The following GPHN variants were observed in gnomAD, a reference collection of about 807,000 sequenced individuals.
GPHN encodes gephyrin.
Under a neutral mutation model 95.5 loss-of-function variants are expected in GPHN, and 17 were observed. That is an observed-to-expected ratio of 0.18 (90% CI 0.12 to 0.27). The LOEUF is 0.27. Ranked by LOEUF, GPHN falls within the 10% of genes least tolerant of loss-of-function variation. GPHN has a pLI of 1.00. For missense variants in GPHN, 660 were observed against 978.1 expected, an observed-to-expected ratio of 0.67 and a Z score of 4.34; for synonymous variants, 320 against 322.5, an observed-to-expected ratio of 0.99 and a Z score of 0.08.
chr14:67,688,273 C>A, the GPHN span, among the ~76,000 whole-genome samples: 1 of 152,080 alleles, frequency 6.6e-6, no homozygotes, highest in African/African-American at 2.4e-5. Flanking sequence ...AATTAAACAG[C>A]CACAACAAAA....
chr14:66,653,502 TTGACAC>T (rs1347051452), intron 1 of GPHN, among the ~76,000 whole-genome samples: 1 of 152,162 alleles, frequency 6.6e-6, no homozygotes, highest in Non-Finnish European at 1.5e-5. Context: ...AATCAGGAGT[TTGACAC>T]TGACCCAGTG....
intron 5 of GPHN, among the ~76,000 whole-genome samples, chr14:66,881,720 T>G (rs1276190857): frequency 6.6e-6 from 1 of 151,850 alleles, no homozygotes; most frequent in Non-Finnish European, 1.5e-5. Context: ...TGAATTAATT[T>G]TTTTCTCCCT....
the GPHN span, among the ~76,000 whole-genome samples, chr14:67,431,573 T>G: frequency 6.6e-6 from 1 of 151,918 alleles, no homozygotes; most frequent in Non-Finnish European, 1.5e-5. Context: ...ACATCTGTGG[T>G]CCCAGCTACT....
At chr14:67,222,042 G>T in the GPHN span, 1 of 483,880 alleles carries the variant, frequency 2.1e-6, no homozygotes, top group Non-Finnish European at 3.5e-6. Context: ...TACTACTTCA[G>T]TTTTCTTTTT....
At chr14:67,524,790 A>G in the GPHN span, among the ~76,000 whole-genome samples, 2 of 152,198 alleles carry the variant, frequency 1.3e-5, no homozygotes, top group African/African-American at 2.4e-5. Flanking sequence ...TGAAGAGATA[A>G]TAGGGATCCA....
chr14:66,758,984 A>G (rs954738647), intron 2 of GPHN, among the ~76,000 whole-genome samples: 1 of 152,184 alleles, frequency 6.6e-6, no homozygotes, highest in Admixed American at 6.5e-5. Context: ...TCTAGTCCTC[A>G]TTTTTGTCAA....
chr14:67,339,475 A>AC, the GPHN span, among the ~76,000 whole-genome samples: 3 of 151,952 alleles, frequency 2.0e-5, no homozygotes, highest in East Asian at 1.9e-4. Flanking sequence ...CAGGTCTAAG[A>AC]CCCCCCATGC....
At chr14:66,585,632 C>T (rs9944068) in intron 1 of GPHN, among the ~76,000 whole-genome samples, 10,778 of 151,858 alleles carry the variant, frequency 0.071, 930 homozygotes, top group African/African-American at 0.2. Context: ...ATTTCTGCCT[C>T]CATTTCGTTA....
At chr14:66,598,396 A>C (rs1334918326) in intron 1 of GPHN, among the ~76,000 whole-genome samples, 2 of 152,112 alleles carry the variant, frequency 1.3e-5, no homozygotes, top group Non-Finnish European at 2.9e-5. Flanking sequence ...ATCAGTTAAA[A>C]AAAAGTACTG....
intron 7 of GPHN, among the ~76,000 whole-genome samples, chr14:66,923,260 T>C (rs1017829294): frequency 5.9e-5 from 9 of 152,176 alleles, no homozygotes; most frequent in Admixed American, 5.2e-4. Context: ...ATATAATGTT[T>C]ATATATTCAA....
At chr14:67,575,511 T>TC in the GPHN span, 2 of 1,301,004 alleles carry the variant, frequency 1.5e-6, no homozygotes, top group African/African-American at 1.5e-5. Flanking sequence ...CTCTCCTGCT[T>TC]CCCCCGAAGC....
At chr14:66,691,808 A>C (rs1243597211) in intron 2 of GPHN, among the ~76,000 whole-genome samples, 1 of 152,216 alleles carries the variant, frequency 6.6e-6, no homozygotes, top group African/African-American at 2.4e-5. Flanking sequence ...AGATTTTCAG[A>C]ACTTTCTCTG....
the GPHN span, among the ~76,000 whole-genome samples, chr14:67,211,244 T>C: frequency 6.6e-6 from 1 of 152,106 alleles, no homozygotes; most frequent in Non-Finnish European, 1.5e-5. Context: ...TAGGTATAGA[T>C]ATAGATAAAA....
intron 2 of GPHN, among the ~76,000 whole-genome samples, chr14:66,723,286 CTTTATAAA>C (rs1566870292): frequency 6.6e-6 from 1 of 150,804 alleles, no homozygotes; most frequent in Admixed American, 6.6e-5. Context: ...AAGTTTATAA[CTTTATAAA>C]TATAAACTTT....
chr14:67,543,428 T>TACATCA, the GPHN span, among the ~76,000 whole-genome samples: 6 of 152,196 alleles, frequency 3.9e-5, no homozygotes, highest in African/African-American at 1.4e-4. Flanking sequence ...TAGAAAGGAA[T>TACATCA]GAATATACAT....
chr14:67,171,377 A>G (rs977835221), intron 21 of GPHN, among the ~76,000 whole-genome samples: 7 of 149,834 alleles, frequency 4.7e-5, no homozygotes, highest in Non-Finnish European at 1.0e-4. Context: ...TGGTAAAGAA[A>G]AAAAAAAAGA....
the GPHN span, among the ~76,000 whole-genome samples, chr14:67,564,090 A>T: frequency 6.6e-6 from 1 of 150,906 alleles, no homozygotes; most frequent in Non-Finnish European, 1.5e-5. Flanking sequence ...TTTAGTAGAG[A>T]CGGGGTTTCA....
chr14:67,126,494 T>A (rs1283330653), intron 17 of GPHN, among the ~76,000 whole-genome samples: 1 of 152,160 alleles, frequency 6.6e-6, no homozygotes, highest in Non-Finnish European at 1.5e-5. Flanking sequence ...GGAAACTGAA[T>A]GCACAAAGTA....
chr14:67,433,015 G>A, the GPHN span, among the ~76,000 whole-genome samples: 1 of 152,140 alleles, frequency 6.6e-6, no homozygotes, highest in Admixed American at 6.5e-5. Context: ...GAGCTTGAAT[G>A]TTAAGGAGAC....
Sources: gnomAD v4.1 joint callset for allele counts (sites outside exome capture counted in the v4.1 genomes callset) on GRCh38, gnomAD v4.1.1 for gene constraint, MANE v1.5 for transcripts, NCBI Gene and HGNC (gene_info 2026-07-23, HGNC 2026-07-21) for gene names.